The following KCNB2 variants were observed in gnomAD, a reference collection of about 807,000 sequenced individuals.
KCNB2 encodes the protein potassium voltage-gated channel subfamily B member 2, also known as delayed rectifier potassium channel protein.
A neutral mutation model predicts 61.5 loss-of-function variants in KCNB2; 15 were observed. The ratio of observed to expected loss-of-function variants is 0.24; its 90% CI spans 0.16 to 0.38. KCNB2 has a LOEUF of 0.38. KCNB2 is among the 10% of genes least tolerant of loss of function. KCNB2 has a pLI of 1.00. For missense variants in KCNB2, 828 were observed against 1,125.2 expected (o/e 0.74, Z 3.78); for synonymous variants, 457 against 446.0 (o/e 1.02, Z -0.31).
chr8:72,597,692 A>G (rs1435856131), intron 2 of KCNB2, among the ~76,000 whole-genome samples: 2 of 152,230 alleles, frequency 1.3e-5, no homozygotes, highest in African/African-American at 4.8e-5. Flanking sequence ...CAGTTTAGCC[A>G]TAATGATGTA....
intron 2 of KCNB2, among the ~76,000 whole-genome samples, chr8:72,671,289 A>G (rs1806560334): frequency 6.6e-6 from 1 of 152,230 alleles, no homozygotes; most frequent in Admixed American, 6.5e-5. Flanking sequence ...TTGTAGATGT[A>G]CAAATACTCT....
At chr8:72,599,879 A>C (rs1380789429) in intron 2 of KCNB2, among the ~76,000 whole-genome samples, 2 of 152,244 alleles carry the variant, frequency 1.3e-5, no homozygotes, top group African/African-American at 4.8e-5. Context: ...GAGAAATGCA[A>C]ATCAAAACCA....
chr8:72,597,966 TC>T (rs1397164315), intron 2 of KCNB2, among the ~76,000 whole-genome samples: 3 of 152,134 alleles, frequency 2.0e-5, no homozygotes, highest in African/African-American at 7.2e-5. Flanking sequence ...GACCCAGCAA[TC>T]CCATTACTTG....
chr8:72,843,327 G>T (rs1809927480), intron 2 of KCNB2, among the ~76,000 whole-genome samples: 1 of 152,044 alleles, frequency 6.6e-6, no homozygotes, highest in South Asian at 2.1e-4. Context: ...CCATTCTTCT[G>T]CATTTGCTGA....
chr8:72,547,896 G>A (rs1806283281), intron 1 of KCNB2, among the ~76,000 whole-genome samples: 1 of 152,164 alleles, frequency 6.6e-6, no homozygotes, highest in Non-Finnish European at 1.5e-5. Context: ...ATGCTACTGA[G>A]AAATCTTTTG....
intron 2 of KCNB2, among the ~76,000 whole-genome samples, chr8:72,678,700 A>G (rs1806703262): frequency 6.6e-6 from 1 of 152,238 alleles, no homozygotes; most frequent in Non-Finnish European, 1.5e-5. Flanking sequence ...TTATGACGTC[A>G]GGGATTTTGT....
At chr8:72,561,987 A>G (rs1451037903) in intron 1 of KCNB2, among the ~76,000 whole-genome samples, 1 of 151,284 alleles carries the variant, frequency 6.6e-6, no homozygotes, top group African/African-American at 2.4e-5. Flanking sequence ...TCTTTGAAAC[A>G]TAGTTTCTAC....
At chr8:72,914,844 A>T (rs1273543516) in intron 2 of KCNB2, among the ~76,000 whole-genome samples, 1 of 152,178 alleles carries the variant, frequency 6.6e-6, no homozygotes, top group Non-Finnish European at 1.5e-5. Context: ...TCTCAATCAG[A>T]CATATCCTGA....
At chr8:72,660,296 G>A (rs2128987227) in intron 2 of KCNB2, among the ~76,000 whole-genome samples, 1 of 152,264 alleles carries the variant, frequency 6.6e-6, no homozygotes, top group Middle Eastern at 3.4e-3. Flanking sequence ...TGGAGCCCCG[G>A]GAAGTGCTTT....
intron 2 of KCNB2, among the ~76,000 whole-genome samples, chr8:72,704,048 C>G (rs948109115): frequency 1.3e-5 from 2 of 152,106 alleles, no homozygotes; most frequent in African/African-American, 4.8e-5. Context: ...GGTAGTCATC[C>G]CACACGTAAA....
intron 2 of KCNB2, among the ~76,000 whole-genome samples, chr8:72,631,923 G>T (rs1425021425): frequency 5.9e-5 from 9 of 152,022 alleles, no homozygotes; most frequent in African/African-American, 2.2e-4. Context: ...TACAAGCCTA[G>T]AAGAGTTTTT....
At chr8:72,583,376 G>T (rs1300873087) in intron 2 of KCNB2, among the ~76,000 whole-genome samples, 1 of 151,868 alleles carries the variant, frequency 6.6e-6, no homozygotes, top group South Asian at 2.1e-4. Context: ...GAGTAAAATT[G>T]TATCCACTTG....
intron 2 of KCNB2, among the ~76,000 whole-genome samples, chr8:72,789,351 A>C (rs1402777698): frequency 6.6e-6 from 1 of 152,214 alleles, no homozygotes; most frequent in Non-Finnish European, 1.5e-5. Context: ...GTGAGAATTC[A>C]GTTGTGTCCA....
chr8:72,739,144 C>A (rs1807901151), intron 2 of KCNB2, among the ~76,000 whole-genome samples: 1 of 151,792 alleles, frequency 6.6e-6, no homozygotes, highest in Non-Finnish European at 1.5e-5. Flanking sequence ...ATCACTCTGA[C>A]CTACTATGTT....
rs536054171 is a variant in KCNB2, at chr8:72,757,032, T to C, written c.580-178903T>C. 2.6e-5 allele frequency among the ~76,000 whole-genome samples: 4 copies of C among 152,264 alleles called. No individual in the cohort carries two copies. In the South Asian group the frequency reaches 8.3e-4, roughly 32 times the overall value. On this transcript the variant is annotated intron_variant, in intron 2 of 2. Transcript: ENST00000523207. ...TAATTTGGAAATCATTGGCAGAGCA[T>C]GATACTTAGAAGCTTGGGAGTCAAT...
At chr8:72,729,355 G>C (rs1292352242) in intron 2 of KCNB2, among the ~76,000 whole-genome samples, 1 of 152,138 alleles carries the variant, frequency 6.6e-6, no homozygotes, top group African/African-American at 2.4e-5. Context: ...TGGATATAGA[G>C]GACCCTGAAG....
chr8:72,650,912 A>T (rs1019432583), intron 2 of KCNB2, among the ~76,000 whole-genome samples: 7 of 152,174 alleles, frequency 4.6e-5, no homozygotes, highest in Non-Finnish European at 7.4e-5. Flanking sequence ...ACTTGTATTT[A>T]CTATATGGCA....
At chr8:72,767,202 C>G (rs1328828726) in intron 2 of KCNB2, among the ~76,000 whole-genome samples, 1 of 152,114 alleles carries the variant, frequency 6.6e-6, no homozygotes, top group Non-Finnish European at 1.5e-5. Context: ...GTATATCCAC[C>G]AGGTTATCTT....
intron 2 of KCNB2, among the ~76,000 whole-genome samples, chr8:72,795,815 C>T (rs960667569): frequency 1.3e-5 from 2 of 152,106 alleles, no homozygotes; most frequent in African/African-American, 2.4e-5. Flanking sequence ...TGGTAAAGAA[C>T]AACATATTCC....
Sources: allele counts gnomAD v4.1 joint callset (sites outside exome capture counted in the v4.1 genomes callset), GRCh38; gene constraint gnomAD v4.1.1; transcripts MANE v1.5; gene names NCBI Gene and HGNC (gene_info 2026-07-23, HGNC 2026-07-21).